CRYL1: variants seen among roughly 807,000 people sequenced by gnomAD.
The protein encoded by CRYL1 is crystallin lambda 1.
In CRYL1, 29 loss-of-function variants were observed where a neutral mutation model predicts 36.6. That is an observed-to-expected ratio of 0.79 (90% CI 0.59 to 1.08). CRYL1 has a LOEUF of 1.08. Among genes scored for constraint, CRYL1 ranks in the 50% least tolerant of loss-of-function variants. The probability of loss-of-function intolerance (pLI) is 0.00; values close to 1 mark genes in which losing one functional copy is unlikely to be tolerated. For missense variants in CRYL1, 411 were observed against 407.9 expected, an observed-to-expected ratio of 1.01 and a Z score of -0.06; for synonymous variants, 152 against 151.5, an observed-to-expected ratio of 1.00 and a Z score of -0.02.
At chr13:20,521,789 T>A (rs979308961) in intron 1 of CRYL1, among the ~76,000 whole-genome samples, 2 of 152,220 alleles carry the variant, frequency 1.3e-5, no homozygotes, top group Non-Finnish European at 2.9e-5. Flanking sequence ...TTAGATACAT[T>A]TGAAAGTATC....
At chr13:20,483,342 T>C (rs1046265690) in intron 3 of CRYL1, among the ~76,000 whole-genome samples, 4 of 152,114 alleles carry the variant, frequency 2.6e-5, no homozygotes, top group African/African-American at 9.7e-5. Flanking sequence ...TTATTATTAT[T>C]TTTTTAAGAC....
chr13:20,486,761 T>C (rs922291534), intron 3 of CRYL1, among the ~76,000 whole-genome samples: 5 of 152,178 alleles, frequency 3.3e-5, no homozygotes, highest in African/African-American at 1.2e-4. Context: ...AGATAGACTG[T>C]AGTTAAAGAG....
At chr13:20,440,384 C>T (rs1404327074) in intron 3 of CRYL1, among the ~76,000 whole-genome samples, 1 of 152,164 alleles carries the variant, frequency 6.6e-6, no homozygotes, top group Non-Finnish European at 1.5e-5. Context: ...CTTACAAAAA[C>T]CACCAGCAAG....
At position 20,489,351 on chromosome 13, in the gene CRYL1, G is replaced by C; in HGVS notation, c.276+19C>G. On this transcript the variant is annotated intron_variant, in intron 3 of 7. Coordinates refer to ENST00000298248, the MANE Select transcript of CRYL1 (RefSeq NM_015974.3). ...ATGTCTCAGGCCCCACAGATGCGGC[G>C]CCAGTGTCCTTCACTCACCTGAATG... The C allele has an allele frequency of 6.2e-7, 1 of 1,612,098 alleles. No homozygotes were observed. Among genetic ancestry groups the C allele is most frequent in the Non-Finnish European group, 8.5e-7 (1 of 1,179,850 alleles).
At chr13:20,441,348 T>C (rs559578233) in intron 3 of CRYL1, among the ~76,000 whole-genome samples, 1 of 152,210 alleles carries the variant, frequency 6.6e-6, no homozygotes, top group Non-Finnish European at 1.5e-5. Context: ...TGATGATTCC[T>C]GTTCCCACTA....
At chr13:20,458,657 A>G (rs548230434) in intron 3 of CRYL1, among the ~76,000 whole-genome samples, 9 of 152,332 alleles carry the variant, frequency 5.9e-5, no homozygotes, top group African/African-American at 1.9e-4. Context: ...TTCAAAACTC[A>G]GTGGGAATTT....
chr13:20,414,253 TTTTG>T (rs2031600111), intron 5 of CRYL1, among the ~76,000 whole-genome samples: 1 of 139,452 alleles, frequency 7.2e-6, no homozygotes, highest in Non-Finnish European at 1.5e-5. Flanking sequence ...AAAAGAGATT[TTTTG>T]TGTGTGTGTG....
chr13:20,464,706 AT>A (rs1404115479), intron 3 of CRYL1, among the ~76,000 whole-genome samples: 2 of 152,114 alleles, frequency 1.3e-5, no homozygotes, highest in African/African-American at 4.8e-5. Context: ...GCCTTTTGGA[AT>A]TTTTTTTATT....
chr13:20,431,081 C>T (rs1257595418), intron 5 of CRYL1: 22 of 985,300 alleles, frequency 2.2e-5, no homozygotes, highest in South Asian at 4.7e-5. Context: ...ATGTACCTAA[C>T]GGGGATTTGG....
At chr13:20,447,261 T>C (rs1031693583) in intron 3 of CRYL1, among the ~76,000 whole-genome samples, 2 of 152,230 alleles carry the variant, frequency 1.3e-5, no homozygotes, top group East Asian at 3.8e-4. Flanking sequence ...ATCTGATTCA[T>C]TCAATATATG....
At chr13:20,517,868 G>A (rs568706613) in intron 1 of CRYL1, among the ~76,000 whole-genome samples, 31 of 145,946 alleles carry the variant, frequency 2.1e-4, no homozygotes, top group African/African-American at 6.6e-4. Context: ...CCCGGGAGGC[G>A]GAGCTTGCAG....
chr13:20,468,016 C>T (rs1421915778), intron 3 of CRYL1, among the ~76,000 whole-genome samples: 3 of 152,094 alleles, frequency 2.0e-5, no homozygotes, highest in South Asian at 2.1e-4. Flanking sequence ...ATCTTACAAG[C>T]GCCTTATGAT....
intron 2 of CRYL1, among the ~76,000 whole-genome samples, chr13:20,508,876 CAAAAAA>C (rs869116656): frequency 1.2e-4 from 5 of 41,458 alleles, no homozygotes; most frequent in African/African-American, 2.6e-4. Flanking sequence ...AAAAAAAAAA[CAAAAAA>C]AAAAAACTGA....
intron 2 of CRYL1, among the ~76,000 whole-genome samples, chr13:20,499,983 T>C (rs1156874098): frequency 6.6e-6 from 1 of 151,932 alleles, no homozygotes; most frequent in Non-Finnish European, 1.5e-5. Context: ...TTGGGGGGAG[T>C]TCATGAAAAG....
chr13:20,505,359 CAAAAA>C (rs61380702), intron 2 of CRYL1, among the ~76,000 whole-genome samples: 38,234 of 91,282 alleles, frequency 0.42, 6,464 homozygotes, highest in Admixed American at 0.51. Flanking sequence ...TCTATCCCAC[CAAAAA>C]AAAAAAAAAA....
intron 2 of CRYL1, among the ~76,000 whole-genome samples, chr13:20,505,104 C>T (rs149993123): frequency 1.7e-3 from 260 of 152,186 alleles, no homozygotes; most frequent in African/African-American, 5.9e-3. Context: ...GCCTGTAATC[C>T]GAGCACTTTG....
At chr13:20,507,688 GCA>G (rs1299869699) in intron 2 of CRYL1, among the ~76,000 whole-genome samples, 3 of 152,074 alleles carry the variant, frequency 2.0e-5, no homozygotes, top group Non-Finnish European at 4.4e-5. Flanking sequence ...GGAGGCCAAG[GCA>G]GGCGGATCAC....
intron 3 of CRYL1, among the ~76,000 whole-genome samples, chr13:20,452,772 G>A (rs538327561): frequency 2.2e-4 from 34 of 152,254 alleles, no homozygotes; most frequent in Middle Eastern, 6.8e-3. Flanking sequence ...GGTGGGAGTT[G>A]CTGATAATGG....
intron 4 of CRYL1, among the ~76,000 whole-genome samples, chr13:20,432,777 G>A (rs1433920768): frequency 6.6e-6 from 1 of 152,118 alleles, no homozygotes; most frequent in Non-Finnish European, 1.5e-5. Context: ...CAGAACTTTG[G>A]GAGGTCGAGG....
Sources: gnomAD v4.1 joint callset for allele counts (sites outside exome capture counted in the v4.1 genomes callset) on GRCh38, gnomAD v4.1.1 for gene constraint, MANE v1.5 for transcripts, NCBI Gene and HGNC (gene_info 2026-07-23, HGNC 2026-07-21) for gene names.